LRRC4C: variants seen among roughly 807,000 people sequenced by gnomAD.
The protein encoded by LRRC4C is leucine rich repeat containing 4C.
In LRRC4C, 5 loss-of-function variants were observed where a neutral mutation model predicts 33.6. The observed-to-expected ratio is 0.15, with a 90% CI of 0.08 to 0.31. The LOEUF (loss-of-function observed/expected upper bound fraction) is 0.31, where lower values mean the gene tolerates loss of function less well. Ranked by LOEUF, LRRC4C falls within the 10% of genes least tolerant of loss-of-function variation. The pLI is 1.00. For synonymous variants in LRRC4C, 329 were observed against 302.0 expected, an observed-to-expected ratio of 1.09 and a Z score of -0.93; for missense variants, 560 against 796.7, an observed-to-expected ratio of 0.70 and a Z score of 3.58.
chr11:40,153,053 T>C (rs2953315), intron 5 of LRRC4C, among the ~76,000 whole-genome samples: 150,574 of 152,266 alleles, frequency 0.99, 74,466 homozygotes, highest in Middle Eastern at 1. Context: ...CCTCTGCTAC[T>C]TCCAACAGAA....
chr11:41,233,309 T>C (rs993701792), intron 1 of LRRC4C, among the ~76,000 whole-genome samples: 11 of 152,132 alleles, frequency 7.2e-5, no homozygotes, highest in African/African-American at 2.2e-4. Flanking sequence ...ACATGGAATG[T>C]TGGCCTTAGG....
intron 3 of LRRC4C, among the ~76,000 whole-genome samples, chr11:40,630,987 T>G (rs1242228659): frequency 1.3e-5 from 2 of 152,216 alleles, no homozygotes; most frequent in Non-Finnish European, 2.9e-5. Context: ...GAGTAATTTT[T>G]CAGTGTGAAA....
chr11:40,329,737 CTTTTT>C (rs199598860), intron 3 of LRRC4C, among the ~76,000 whole-genome samples: 2 of 120,408 alleles, frequency 1.7e-5, no homozygotes, highest in Admixed American at 8.6e-5. Flanking sequence ...CTTTCTTTTT[CTTTTT>C]TTTTTTTTTT....
intron 3 of LRRC4C, among the ~76,000 whole-genome samples, chr11:40,468,736 C>A (rs1467413554): frequency 1.3e-5 from 2 of 152,020 alleles, no homozygotes; most frequent in Non-Finnish European, 2.9e-5. Context: ...GTTACTCAAT[C>A]CCAAACTTAC....
At chr11:40,587,004 C>A (rs1226866985) in intron 3 of LRRC4C, among the ~76,000 whole-genome samples, 3 of 151,756 alleles carry the variant, frequency 2.0e-5, no homozygotes, top group African/African-American at 4.8e-5. Context: ...TTTTCCAATT[C>A]TGTGAAGAAA....
rs572734237 is a variant in LRRC4C, at chr11:41,200,171, G to A, written c.-496+259260C>T. ...CTTCACCAGTTACAATGCAATCTTC[G>A]TGGAGATTGGAATGATGTTGATCTG... is the stretch of plus-strand genomic sequence containing the variant. On this transcript the variant is annotated intron_variant, in intron 1 of 6. Coordinates refer to ENST00000528697, the MANE Select transcript of LRRC4C (RefSeq NM_001258419.2). Among the ~76,000 whole-genome samples the A allele has an allele frequency of 1.1e-4, 17 of 152,132 alleles. No homozygotes were observed. The South Asian group carries it at 1.2e-3, about 11-fold the overall frequency.
chr11:40,705,701 T>C (rs1946132071), intron 2 of LRRC4C, among the ~76,000 whole-genome samples: 1 of 152,108 alleles, frequency 6.6e-6, no homozygotes, highest in South Asian at 2.1e-4. Flanking sequence ...GCATGATTTA[T>C]AATCCTTTGG....
At chr11:41,247,844 A>G (rs940301937) in intron 1 of LRRC4C, among the ~76,000 whole-genome samples, 6 of 152,100 alleles carry the variant, frequency 3.9e-5, no homozygotes, top group African/African-American at 1.4e-4. Context: ...ATTTAAATCA[A>G]CTTGAAGTTC....
chr11:40,813,959 C>T (rs1304332576), intron 2 of LRRC4C, among the ~76,000 whole-genome samples: 1 of 152,218 alleles, frequency 6.6e-6, no homozygotes, highest in Non-Finnish European at 1.5e-5. Flanking sequence ...CAGATCCACC[C>T]CTGTGGCTTT....
At chr11:40,625,799 GATTGCT>G (rs1238102612) in intron 3 of LRRC4C, among the ~76,000 whole-genome samples, 2 of 152,006 alleles carry the variant, frequency 1.3e-5, no homozygotes, top group African/African-American at 4.8e-5. Context: ...TCAAGAATAG[GATTGCT>G]GTCATCACTT....
intron 1 of LRRC4C, among the ~76,000 whole-genome samples, chr11:40,991,269 C>T (rs355238): frequency 0.74 from 110,846 of 149,158 alleles, 41,309 homozygotes; most frequent in South Asian, 0.79. Context: ...ATTTTTAATA[C>T]TGTATAATAA....
rs138445183 is a variant in LRRC4C at position 40,649,031 on chromosome 11, G to C, written c.-406-753C>G. Among the ~76,000 whole-genome samples the C allele has an allele frequency of 1.1e-3, 164 of 152,218 alleles. 4 individuals carry two copies. In the East Asian group the frequency reaches 0.029, roughly 27 times the overall value. The stretch of plus-strand genomic sequence containing the variant: ...CACAGGCTTCAAAGGGCAAAAAGGA[G>C]AACAAAGATCACATGTTTCTGAGGA... On this transcript the variant is annotated intron_variant, in intron 2 of 6. Coordinates refer to ENST00000528697, the MANE Select transcript of LRRC4C (RefSeq NM_001258419.2).
At chr11:41,053,165 T>C (rs754222187) in intron 1 of LRRC4C, among the ~76,000 whole-genome samples, 5 of 152,228 alleles carry the variant, frequency 3.3e-5, no homozygotes, top group Non-Finnish European at 5.9e-5. Context: ...TCCTTCCCTT[T>C]GGCAGGGCAC....
At chr11:41,156,517 ATGAT>A (rs1453835270) in intron 1 of LRRC4C, among the ~76,000 whole-genome samples, 1 of 152,100 alleles carries the variant, frequency 6.6e-6, no homozygotes, top group Non-Finnish European at 1.5e-5. Context: ...ATTGTTCTCT[ATGAT>A]TGGCAAGTCA....
Position 40,678,622 on chromosome 11 carries a change from A to C in LRRC4C, c.-406-30344T>G, listed in dbSNP as rs1393376290. 1.3e-5 allele frequency among the ~76,000 whole-genome samples: 2 copies of C among 152,126 alleles called. 1 individual carries two copies. Among genetic ancestry groups the C allele is most frequent in the Middle Eastern group, 6.3e-3 (2 of 316 alleles). On this transcript the variant is annotated intron_variant, in intron 2 of 6. Coordinates refer to ENST00000528697, the MANE Select transcript of LRRC4C (RefSeq NM_001258419.2). Reference sequence around the variant, plus strand: ...GGGTCTTCTCCTTGCTGTTCTCATGATAGTGAATGTTTCACAAGATCTGAT... The same window carrying C: ...GGGTCTTCTCCTTGCTGTTCTCATGCTAGTGAATGTTTCACAAGATCTGAT...
intron 3 of LRRC4C, among the ~76,000 whole-genome samples, chr11:40,414,087 G>A (rs141888663): frequency 2.0e-5 from 3 of 151,188 alleles, no homozygotes; most frequent in African/African-American, 7.3e-5. Flanking sequence ...CATATAAAAT[G>A]TGCCTATTCT....
chr11:40,293,285 C>G (rs1944321507), intron 4 of LRRC4C: 1 of 151,120 alleles, frequency 6.6e-6, no homozygotes, highest in South Asian at 2.1e-4. Flanking sequence ...TTCCTCCCCC[C>G]GCTACTTTTT....
chr11:40,661,147 A>T (rs150639233), intron 2 of LRRC4C, among the ~76,000 whole-genome samples: 42 of 152,184 alleles, frequency 2.8e-4, no homozygotes, highest in African/African-American at 9.4e-4. Context: ...AAATAATGAT[A>T]ACTGATATAA....
At chr11:41,158,680 C>T (rs980700012) in intron 1 of LRRC4C, among the ~76,000 whole-genome samples, 4 of 152,108 alleles carry the variant, frequency 2.6e-5, no homozygotes, top group African/African-American at 9.7e-5. Context: ...TACATTTATG[C>T]TTTCATACAC....
Sources: allele counts gnomAD v4.1 joint callset (sites outside exome capture counted in the v4.1 genomes callset), GRCh38; gene constraint gnomAD v4.1.1; transcripts MANE v1.5; gene names NCBI Gene and HGNC (gene_info 2026-07-23, HGNC 2026-07-21).